The following ITPRID1 variants were observed in gnomAD, a reference collection of about 807,000 sequenced individuals.
ITPRID1 encodes the protein ITPR interacting domain containing 1.
In ITPRID1, 96 loss-of-function variants were observed where a neutral mutation model predicts 95.4. The observed-to-expected ratio is 1.01, with a 90% CI of 0.85 to 1.19. The LOEUF (loss-of-function observed/expected upper bound fraction) is 1.19, where lower values mean the gene tolerates loss of function less well. ITPRID1 is among the 50% of genes most tolerant of loss of function. ITPRID1 has a pLI of 0.00. For synonymous variants in ITPRID1, 510 were observed against 453.6 expected (o/e 1.12, Z -1.58); for missense variants, 1,339 against 1,252.9 (o/e 1.07, Z -1.04).
intron 1 of ITPRID1, among the ~76,000 whole-genome samples, chr7:31,535,384 A>G (rs1464453119): frequency 1.3e-5 from 2 of 152,022 alleles, no homozygotes; most frequent in Non-Finnish European, 2.9e-5. Context: ...TCTTTGAGAG[A>G]AATATATATG....
chr7:31,645,744 G>A (rs573354457), intron 12 of ITPRID1, among the ~76,000 whole-genome samples: 225 of 152,238 alleles, frequency 1.5e-3, no homozygotes, highest in Non-Finnish European at 2.7e-3. Flanking sequence ...GACATTTTTA[G>A]TTGTCACAAC....
intron 10 of ITPRID1, among the ~76,000 whole-genome samples, chr7:31,588,212 C>T (rs1785704298): frequency 6.6e-6 from 1 of 152,096 alleles, no homozygotes; most frequent in South Asian, 2.1e-4. Context: ...CAAAAGTGAA[C>T]AAAGAGTGGA....
chr7:31,563,382 C>T (rs912416977), intron 5 of ITPRID1, among the ~76,000 whole-genome samples: 5 of 151,968 alleles, frequency 3.3e-5, no homozygotes, highest in African/African-American at 1.2e-4. Flanking sequence ...CTTTTAAAAT[C>T]CAGAAAGAGG....
intron 7 of ITPRID1, 124 bp from the exon 8 acceptor site, chr7:31,574,416 C>T (rs1422974689): frequency 1.2e-6 from 1 of 833,772 alleles, no homozygotes; most frequent in East Asian, 2.4e-5. Flanking sequence ...AGTGCACGCA[C>T]CGTTTGTCTA....
At chr7:31,584,529 A>G (rs776618642) in intron 10 of ITPRID1, among the ~76,000 whole-genome samples, 2 of 150,864 alleles carry the variant, frequency 1.3e-5, no homozygotes, top group Admixed American at 6.6e-5. Flanking sequence ...AGTCGCCCCA[A>G]TCATTCCAAA....
chr7:31,621,756 A>C (rs896256201), intron 10 of ITPRID1, among the ~76,000 whole-genome samples: 6 of 148,222 alleles, frequency 4.0e-5, no homozygotes, highest in East Asian at 2.0e-4. Flanking sequence ...ACACATAACA[A>C]TATTAACTTT....
At chr7:31,594,637 A>T (rs1786001210) in intron 10 of ITPRID1, among the ~76,000 whole-genome samples, 1 of 152,092 alleles carries the variant, frequency 6.6e-6, no homozygotes, top group East Asian at 1.9e-4. Flanking sequence ...CTGGTGGATC[A>T]CCTGAGGTCA....
chr7:31,657,287 T>C (rs1447377390), downstream of ITPRID1, among the ~76,000 whole-genome samples: 2 of 152,162 alleles, frequency 1.3e-5, no homozygotes, highest in Non-Finnish European at 2.9e-5. Flanking sequence ...TGGTTTGTCA[T>C]GGCTCTGCCA....
intron 10 of ITPRID1, among the ~76,000 whole-genome samples, chr7:31,628,937 A>AAAAAAC (rs1440710619): frequency 1.3e-5 from 2 of 152,212 alleles, no homozygotes; most frequent in African/African-American, 2.4e-5. Flanking sequence ...TCACAAGAGG[A>AAAAAAC]AAAAACAAAA....
chr7:31,563,737 G>A (rs567815982), intron 5 of ITPRID1, among the ~76,000 whole-genome samples: 138 of 152,174 alleles, frequency 9.1e-4, no homozygotes, highest in African/African-American at 3.2e-3. Flanking sequence ...TCAGGCTTGA[G>A]GTGACGAGGG....
At chr7:31,647,144 C>G (rs937870707) in intron 12 of ITPRID1, among the ~76,000 whole-genome samples, 11 of 152,186 alleles carry the variant, frequency 7.2e-5, no homozygotes, top group African/African-American at 2.7e-4. Context: ...GACAGGAGAC[C>G]GCTTAAAGAC....
downstream of ITPRID1, chr7:31,658,421 G>A (rs1273634727): frequency 5.4e-6 from 8 of 1,476,076 alleles, no homozygotes; most frequent in African/African-American, 1.0e-4. Context: ...AAAATAATCA[G>A]TTTCCAGAGT....
intron 13 of ITPRID1, 71 bp from the exon 14 acceptor site, chr7:31,651,868 T>A: frequency 9.6e-7 from 1 of 1,036,744 alleles, no homozygotes; most frequent in Non-Finnish European, 1.5e-6. Context: ...ACCTATATTA[T>A]GAGGTGACAA....
chr7:31,650,461 G>A (rs1188086616), intron 12 of ITPRID1, among the ~76,000 whole-genome samples: 1 of 152,176 alleles, frequency 6.6e-6, no homozygotes, highest in Non-Finnish European at 1.5e-5. Flanking sequence ...CACAGCCTGA[G>A]AGAGAAAGTA....
intron 1 of ITPRID1, among the ~76,000 whole-genome samples, chr7:31,519,620 C>CTCTCTATATATATA: frequency 7.1e-4 from 18 of 25,266 alleles, no homozygotes; most frequent in South Asian, 2.1e-3. Flanking sequence ...CTCTCTCTCT[C>CTCTCTATATATATA]TATATATATA....
intron 10 of ITPRID1, among the ~76,000 whole-genome samples, chr7:31,616,451 G>A (rs759100821): frequency 6.6e-6 from 1 of 152,040 alleles, no homozygotes; most frequent in Non-Finnish European, 1.5e-5. Context: ...ACCTCAGGGA[G>A]AGTTTGTGTT....
chr7:31,615,817 A>T (rs908777741), intron 10 of ITPRID1, among the ~76,000 whole-genome samples: 2 of 150,710 alleles, frequency 1.3e-5, no homozygotes, highest in African/African-American at 4.9e-5. Context: ...GCAGTGGTGC[A>T]ATCTTGGCTC....
At chr7:31,638,138 T>C (rs933164404) in intron 10 of ITPRID1, among the ~76,000 whole-genome samples, 3 of 152,196 alleles carry the variant, frequency 2.0e-5, no homozygotes, top group Non-Finnish European at 4.4e-5. Flanking sequence ...TTTTGAAAGG[T>C]TACTGCAAGA....
At chr7:31,658,266 T>C, downstream of ITPRID1, 13 of 1,502,884 alleles carry the variant, frequency 8.7e-6, no homozygotes, top group African/African-American at 1.4e-5. Flanking sequence ...CATATTCTCT[T>C]ATAGGTGAAT....
Sources: gnomAD v4.1 joint callset for allele counts (sites outside exome capture counted in the v4.1 genomes callset) on GRCh38, gnomAD v4.1.1 for gene constraint, MANE v1.5 for transcripts, NCBI Gene and HGNC (gene_info 2026-07-23, HGNC 2026-07-21) for gene names.